Variants in LRRC53 observed in about 807,000 individuals in gnomAD.
LRRC53 encodes leucine rich repeat containing 53.
LRRC53 carries 25 observed loss-of-function variants against 13.6 expected under a neutral mutation model. The ratio of observed to expected loss-of-function variants is 1.83; its 90% CI spans 1.34 to 2.56. The LOEUF is 2.56. LRRC53 is among the 30% of genes most tolerant of loss of function. LRRC53 has a pLI of 0.00. For synonymous variants in LRRC53, 204 were observed against 109.8 expected (o/e 1.86, Z -5.37); for missense variants, 527 against 275.8 (o/e 1.91, Z -6.45).
chr1:74,489,302 G>T, intron 1 of LRRC53: 1 of 1,569,946 alleles, frequency 6.4e-7, no homozygotes, highest in Admixed American at 1.8e-5. Context: ...CATATCCAAG[G>T]CTGTCAGGGA....
chr1:74,512,500 A>G (rs1280465288), intron 1 of LRRC53, 26 bp downstream of exon 1: 3 of 152,226 alleles, frequency 2.0e-5, no homozygotes, highest in Non-Finnish European at 4.4e-5. Flanking sequence ...CATAACAAAA[A>G]CACCAAAAGA....
intron 1 of LRRC53, among the ~76,000 whole-genome samples, chr1:74,488,444 G>C (rs1482047211): frequency 6.6e-6 from 1 of 152,172 alleles, no homozygotes; most frequent in Non-Finnish European, 1.5e-5. Context: ...CCTCCTGGCA[G>C]TGAAAGTTTC....
the LRRC53 span, among the ~76,000 whole-genome samples, chr1:74,535,003 C>T: frequency 3.3e-5 from 5 of 151,308 alleles, no homozygotes; most frequent in African/African-American, 7.3e-5. Flanking sequence ...GCAGTGGTAA[C>T]GTATAGCCAG....
intron 1 of LRRC53, among the ~76,000 whole-genome samples, chr1:74,509,419 T>G (rs1399416452): frequency 5.9e-5 from 9 of 152,192 alleles, no homozygotes; most frequent in Admixed American, 5.9e-4. Context: ...TACATAACAA[T>G]AGAAAAGATT....
the LRRC53 span, among the ~76,000 whole-genome samples, chr1:74,532,897 C>T: frequency 1.3e-5 from 2 of 152,110 alleles, no homozygotes; most frequent in African/African-American, 2.4e-5. Flanking sequence ...TTCCTCACAC[C>T]TGATACAAAA....
Position 74,497,905 on chromosome 1 carries a change from G to C in LRRC53, c.-26-14530C>G, listed in dbSNP as rs148405187. Reference sequence around the variant, plus strand: ...ATACACGTTTTCATCATACGTTCCAGTGGTTCTAAACAGAGAGTGATACTG... The same window carrying C: ...ATACACGTTTTCATCATACGTTCCACTGGTTCTAAACAGAGAGTGATACTG... On this transcript the variant is annotated intron_variant, in intron 1 of 4. Coordinates refer to ENST00000294635, the MANE Select transcript of LRRC53 (RefSeq NM_001382280.1). Among the ~76,000 whole-genome samples, 62 of 152,290 alleles carry C rather than the reference G, an allele frequency of 4.1e-4. No homozygotes were observed. In the East Asian group the frequency reaches 0.01, roughly 25 times the overall value.
At chr1:74,526,055 CA>C in the LRRC53 span, among the ~76,000 whole-genome samples, 3 of 151,546 alleles carry the variant, frequency 2.0e-5, no homozygotes, top group Admixed American at 2.0e-4. Flanking sequence ...TAAAACAAAA[CA>C]AAAAAAACAG....
chr1:74,486,597 A>G (rs1668782291), intron 1 of LRRC53, among the ~76,000 whole-genome samples: 1 of 149,558 alleles, frequency 6.7e-6, no homozygotes, highest in African/African-American at 2.5e-5. Context: ...TGCATGTATG[A>G]GTTTAGAGTT....
chr1:74,480,476 G>C lies in LRRC53; in HGVS notation c.581C>G (p.Ala194Gly). The change falls in exon 3 of 5, where the codon GCC (alanine) becomes GGC (glycine). Residue 194 changes from alanine to glycine, a missense_variant. By Grantham distance (60) the Ala-to-Gly change is moderately conservative (BLOSUM62 0). Coordinates refer to ENST00000294635, the MANE Select transcript of LRRC53 (RefSeq NM_001382280.1). ...QEVDLSRNRL[A>G]HMPDVFTPLK... ...TGGAGTAAACACATCCGGCATGTGG[G>C]CTAACCTATTTCGGGAAAGGTCCAC... 1 of 717,524 alleles carries C rather than the reference G, an allele frequency of 1.4e-6. No individual in the cohort carries two copies. Among genetic ancestry groups the C allele is most frequent in the Non-Finnish European group, 2.6e-6 (1 of 385,100 alleles). 44.4% of individuals were successfully genotyped at this position (717,524 alleles called of 1,614,324 possible). A position where few individuals can be genotyped will look rare whatever the true frequency, so the allele number is the denominator to read the frequency against.
chr1:74,520,603 TC>T, the LRRC53 span, among the ~76,000 whole-genome samples: 1 of 151,636 alleles, frequency 6.6e-6, no homozygotes, highest in South Asian at 2.1e-4. Flanking sequence ...AAAATTTTTG[TC>T]TCACAACTTC....
Position 74,491,281 on chromosome 1 carries a change from G to A in LRRC53, c.-26-7906C>T, listed in dbSNP as rs375937152. Among the ~76,000 whole-genome samples, 17 of 152,280 alleles carry A rather than the reference G, an allele frequency of 1.1e-4. No individual in the cohort carries two copies. The East Asian group carries it at 2.3e-3, about 21-fold the overall frequency. ...TGTCTCCAGGCTGGAGTGCAGTGGCGCAATCTCAGCTCACTGCAACCTCTG... is the reference window on the plus strand; with the variant it reads ...TGTCTCCAGGCTGGAGTGCAGTGGCACAATCTCAGCTCACTGCAACCTCTG... On this transcript the variant is annotated intron_variant, in intron 1 of 4. Transcript: ENST00000294635.
Position 74,475,712 on chromosome 1 carries a change from T to C in LRRC53, c.1003A>G (p.Thr335Ala), listed in dbSNP as rs1458451488. The change falls in exon 4 of 5, where the codon ACC (threonine) becomes GCC (alanine). Residue 335 changes from threonine to alanine, a missense_variant. Transcript: ENST00000294635. ...TGAGCACACAGGGGTTCATCGAAGG[T>C]TCTGCAACAAAGGTTTTCTGATGTG... is the stretch of plus-strand genomic sequence containing the variant. ...EHTSENLCCR[T>A]FDEPLCAHEA... The C allele has an allele frequency of 4.3e-6, 3 of 699,408 alleles. No individual in the cohort carries two copies. Among genetic ancestry groups the C allele is most frequent in the Non-Finnish European group, 5.3e-6 (2 of 376,522 alleles). The allele number at this position is 699,408 out of a possible 1,614,324, so 43.3% of individuals were successfully genotyped here.
At chr1:74,520,038 G>T in the LRRC53 span, among the ~76,000 whole-genome samples, 3 of 152,112 alleles carry the variant, frequency 2.0e-5, no homozygotes, top group African/African-American at 7.2e-5. Flanking sequence ...TGGGGAACAG[G>T]TGGTATTTGG....
intron 1 of LRRC53, among the ~76,000 whole-genome samples, chr1:74,487,717 G>A (rs1322569571): frequency 6.6e-6 from 1 of 152,152 alleles, no homozygotes; most frequent in Non-Finnish European, 1.5e-5. Context: ...TGGGTAGGTA[G>A]GTAGAAAGAA....
intron 1 of LRRC53, among the ~76,000 whole-genome samples, chr1:74,510,356 A>G (rs1670123523): frequency 6.6e-6 from 1 of 151,992 alleles, no homozygotes; most frequent in Non-Finnish European, 1.5e-5. Context: ...AATACAAAAA[A>G]TATTAGCCGG....
At chr1:74,524,639 A>C in the LRRC53 span, among the ~76,000 whole-genome samples, 2 of 150,092 alleles carry the variant, frequency 1.3e-5, no homozygotes, top group Non-Finnish European at 3.0e-5. Context: ...AAATACCCAA[A>C]GCTTTTACTT....
At chr1:74,527,590 G>A in the LRRC53 span, among the ~76,000 whole-genome samples, 1 of 152,324 alleles carries the variant, frequency 6.6e-6, no homozygotes, top group African/African-American at 2.4e-5. Context: ...ACAGGGACAA[G>A]ATGAAGTTCC....
intron 1 of LRRC53, among the ~76,000 whole-genome samples, chr1:74,507,225 C>CT (rs980982672): frequency 8.1e-6 from 1 of 124,148 alleles, no homozygotes; most frequent in Admixed American, 8.6e-5. Flanking sequence ...ATTTCTTCAC[C>CT]CCCCCCCCAT....
chr1:74,483,657 T>C (rs757836736), intron 1 of LRRC53, among the ~76,000 whole-genome samples: 3 of 152,252 alleles, frequency 2.0e-5, no homozygotes, highest in Admixed American at 1.3e-4. Flanking sequence ...GTATAGTTTG[T>C]AGTGCTTTCA....
Sources: allele counts gnomAD v4.1 joint callset (sites outside exome capture counted in the v4.1 genomes callset), GRCh38; gene constraint gnomAD v4.1.1; transcripts MANE v1.5; gene names NCBI Gene and HGNC (gene_info 2026-07-23, HGNC 2026-07-21).